The following CPE variants were observed in gnomAD, a reference collection of about 807,000 sequenced individuals.
The protein encoded by CPE is carboxypeptidase E, also known as carbocypeptidase E.
In CPE, 17 loss-of-function variants were observed where a neutral mutation model predicts 53.5. The observed-to-expected ratio is 0.32, with a 90% CI of 0.22 to 0.48. The LOEUF is 0.48. Among genes scored for constraint, CPE ranks in the 20% least tolerant of loss-of-function variants. The pLI is 0.99. For synonymous variants in CPE, 226 were observed against 228.8 expected, an observed-to-expected ratio of 0.99 and a Z score of 0.11; for missense variants, 524 against 614.7, an observed-to-expected ratio of 0.85 and a Z score of 1.56.
intron 1 of CPE, among the ~76,000 whole-genome samples, chr4:165,382,652 C>T (rs1228028268): frequency 1.3e-5 from 2 of 152,104 alleles, no homozygotes; most frequent in African/African-American, 4.8e-5. Flanking sequence ...CACAAAAAGC[C>T]CTTTCTTGTG....
chr4:165,469,223 C>A (rs781349633), intron 3 of CPE, among the ~76,000 whole-genome samples: 2 of 152,110 alleles, frequency 1.3e-5, no homozygotes, highest in African/African-American at 2.4e-5. Context: ...ACAAATTGAG[C>A]CCATCTTGGA....
chr4:165,391,747 A>G (rs1730683090), intron 1 of CPE, among the ~76,000 whole-genome samples: 1 of 152,158 alleles, frequency 6.6e-6, no homozygotes, highest in Admixed American at 6.5e-5. Context: ...CATTCTGCAG[A>G]TTGAAGAGGT....
chr4:165,386,526 C>G (rs998201672), intron 1 of CPE, among the ~76,000 whole-genome samples: 11 of 152,240 alleles, frequency 7.2e-5, no homozygotes, highest in African/African-American at 2.2e-4. Context: ...AGAGATGGTA[C>G]TTTTCTTTTG....
intron 2 of CPE, among the ~76,000 whole-genome samples, chr4:165,464,846 T>G (rs1342812144): frequency 6.6e-6 from 1 of 152,210 alleles, no homozygotes; most frequent in Non-Finnish European, 1.5e-5. Flanking sequence ...CTGTTTTATG[T>G]TTTTCAATAA....
At chr4:165,386,774 A>G (rs1207192326) in intron 1 of CPE, among the ~76,000 whole-genome samples, 1 of 152,234 alleles carries the variant, frequency 6.6e-6, no homozygotes, top group Non-Finnish European at 1.5e-5. Context: ...GTAAGCATTT[A>G]TTTAGTAAAA....
chr4:165,389,843 A>G (rs1186369085), intron 1 of CPE, among the ~76,000 whole-genome samples: 1 of 152,232 alleles, frequency 6.6e-6, no homozygotes, highest in African/African-American at 2.4e-5. Flanking sequence ...TTGCCAAATT[A>G]TAAAGTGAAA....
rs972057168 is a variant in CPE at position 165,379,846 on chromosome 4, A to G, written c.307+318A>G. On this transcript the variant is annotated intron_variant, in intron 1 of 8. Transcript: ENST00000402744. The surrounding 1 kb of genome is among the most constrained non-coding windows in gnomAD (Gnocchi z 6.0). ...CGGGGGATGGGGGGGATAGCAATAC[A>G]GAAAAAACAAATCCTGACGCACGCA... Among the ~76,000 whole-genome samples the G allele has an allele frequency of 9.9e-5, 15 of 151,882 alleles. No homozygotes were observed. Among genetic ancestry groups the G allele is most frequent in the African/African-American group, 3.6e-4 (15 of 41,160 alleles).
chr4:165,416,784 C>G (rs1386649210), intron 1 of CPE, among the ~76,000 whole-genome samples: 2 of 152,032 alleles, frequency 1.3e-5, no homozygotes, highest in East Asian at 3.9e-4. Flanking sequence ...AGTTGTTTAT[C>G]CTGTTAGGCC....
chr4:165,468,603 G>T (rs1170460764), intron 3 of CPE, among the ~76,000 whole-genome samples: 1 of 152,122 alleles, frequency 6.6e-6, no homozygotes, highest in Non-Finnish European at 1.5e-5. Flanking sequence ...CCGCTCACCA[G>T]TTACCACCTC....
intron 1 of CPE, among the ~76,000 whole-genome samples, chr4:165,406,988 T>C (rs1379913561): frequency 7.2e-5 from 11 of 152,378 alleles, no homozygotes; most frequent in Non-Finnish European, 1.5e-4. Flanking sequence ...CATTCATCAG[T>C]TGATAGACAT....
chr4:165,387,665 C>T (rs1251728623), intron 1 of CPE, among the ~76,000 whole-genome samples: 1 of 152,038 alleles, frequency 6.6e-6, no homozygotes, highest in Non-Finnish European at 1.5e-5. Context: ...AAAAATTAGC[C>T]AGCCGTGGTG....
chr4:165,463,283 A>G (rs1732040071), intron 1 of CPE, among the ~76,000 whole-genome samples: 1 of 152,196 alleles, frequency 6.6e-6, no homozygotes, highest in Non-Finnish European at 1.5e-5. Context: ...GGAACTTCAC[A>G]ATGACAAGAT....
At chr4:165,384,344 A>G (rs1482233043) in intron 1 of CPE, among the ~76,000 whole-genome samples, 1 of 152,230 alleles carries the variant, frequency 6.6e-6, no homozygotes, top group Non-Finnish European at 1.5e-5. Context: ...GGCTTTTACC[A>G]TGGGATTTCC....
At chr4:165,482,473 C>G in intron 4 of CPE, 114 bp downstream of exon 4, 1 of 715,384 alleles carries the variant, frequency 1.4e-6, no homozygotes, top group Non-Finnish European at 2.4e-6. Flanking sequence ...TGATTTTTGC[C>G]TGAAGAAAGA....
intron 1 of CPE, among the ~76,000 whole-genome samples, chr4:165,438,861 A>G (rs2126683789): frequency 6.6e-6 from 1 of 152,282 alleles, no homozygotes; most frequent in South Asian, 2.1e-4. Context: ...GTGCTTGCGC[A>G]AAGGATGTGC....
intron 6 of CPE, among the ~76,000 whole-genome samples, chr4:165,490,348 C>A (rs954908592): frequency 1.3e-5 from 2 of 152,134 alleles, no homozygotes; most frequent in African/African-American, 4.8e-5. Context: ...AAGAATGGTT[C>A]ATGGGCCAGG....
intron 1 of CPE, chr4:165,406,007 G>A (rs1193681185): frequency 1.3e-6 from 1 of 752,166 alleles, no homozygotes; most frequent in Non-Finnish European, 2.5e-6. Context: ...TACTTCTTGA[G>A]GGGTCTTGCA....
intron 1 of CPE, among the ~76,000 whole-genome samples, chr4:165,423,597 A>G (rs1033305721): frequency 6.6e-6 from 1 of 151,934 alleles, no homozygotes; most frequent in Non-Finnish European, 1.5e-5. Flanking sequence ...CCCTGTTGCT[A>G]GATTACCAAG....
intron 1 of CPE, among the ~76,000 whole-genome samples, chr4:165,459,113 G>T (rs1249380600): frequency 6.6e-6 from 1 of 152,126 alleles, no homozygotes; most frequent in Non-Finnish European, 1.5e-5. Flanking sequence ...TTATTTTTGA[G>T]GCAAGAGACT....
Sources: allele counts gnomAD v4.1 joint callset (sites outside exome capture counted in the v4.1 genomes callset), GRCh38; gene constraint gnomAD v4.1.1; non-coding constraint Gnocchi (gnomAD v3.1); transcripts MANE v1.5; gene names NCBI Gene and HGNC (gene_info 2026-07-23, HGNC 2026-07-21).